Variants in ADGRG7 observed in about 807,000 individuals in gnomAD.
The protein encoded by ADGRG7 is adhesion G protein-coupled receptor G7.
ADGRG7 carries 82 observed loss-of-function variants against 88.6 expected under a neutral mutation model. The observed-to-expected ratio is 0.93, with a 90% CI of 0.77 to 1.11. The LOEUF is 1.11. Among genes scored for constraint, ADGRG7 ranks in the 50% most tolerant of loss-of-function variants. The pLI is 0.00. For synonymous variants in ADGRG7, 381 were observed against 345.2 expected, an observed-to-expected ratio of 1.10 and a Z score of -1.15; for missense variants, 945 against 953.4, an observed-to-expected ratio of 0.99 and a Z score of 0.12.
Position 100,687,163 on chromosome 3 carries a change from A to C in ADGRG7, c.2137-7581A>C, listed in dbSNP as rs528580521. Among the ~76,000 whole-genome samples, 12 of 152,318 alleles carry C rather than the reference A, an allele frequency of 7.9e-5. No individual in the cohort carries two copies. In the East Asian group the frequency reaches 1.3e-3, roughly 17 times the overall value. On this transcript the variant is annotated intron_variant, in intron 15 of 15. Coordinates refer to ENST00000273352, the MANE Select transcript of ADGRG7 (RefSeq NM_032787.3). ...AGCAATTGTGAATGGGAGTTCACTC[A>C]TGATTTGACTCTCTGTCTGTTAATG...
chr3:100,615,121 T>C (rs1250933535), intron 1 of ADGRG7, among the ~76,000 whole-genome samples: 3 of 152,198 alleles, frequency 2.0e-5, no homozygotes, highest in African/African-American at 7.2e-5. Context: ...ACTTGATCAG[T>C]TACAAGGAGG....
At chr3:100,674,289 A>T (rs2094962164) in intron 15 of ADGRG7, among the ~76,000 whole-genome samples, 1 of 152,180 alleles carries the variant, frequency 6.6e-6, no homozygotes, top group Admixed American at 6.5e-5. Context: ...TTGTGGTTCC[A>T]TATAAATTTT....
intron 3 of ADGRG7, among the ~76,000 whole-genome samples, chr3:100,632,968 A>C (rs79773218): frequency 0.015 from 2,260 of 152,272 alleles, 61 homozygotes; most frequent in African/African-American, 0.051. Flanking sequence ...GGAATTTTTC[A>C]TATTGTTTCT....
intron 15 of ADGRG7, among the ~76,000 whole-genome samples, chr3:100,691,460 C>T (rs1345456013): frequency 6.6e-6 from 1 of 152,138 alleles, no homozygotes; most frequent in East Asian, 1.9e-4. Flanking sequence ...ATCACTCAGG[C>T]TGGGAGCTGT....
At chr3:100,670,192 T>C (rs991455766) in intron 15 of ADGRG7, among the ~76,000 whole-genome samples, 2 of 152,000 alleles carry the variant, frequency 1.3e-5, no homozygotes, top group African/African-American at 2.4e-5. Flanking sequence ...TAACAATCAT[T>C]CTACTCTCTA....
intron 15 of ADGRG7, among the ~76,000 whole-genome samples, chr3:100,687,231 C>T (rs1456711598): frequency 6.6e-6 from 1 of 152,160 alleles, no homozygotes; most frequent in Non-Finnish European, 1.5e-5. Flanking sequence ...GATTTTGTAT[C>T]CTGAGACTTT....
rs866479986 is a variant in ADGRG7 at position 100,617,900 on chromosome 3, C to T, written c.115+7929C>T. ...TGTTGTTTCCTGACTTTTTCATGATCGCCATTGTAACTGGTGTGAGAATGG... is the reference window on the plus strand; with the variant it reads ...TGTTGTTTCCTGACTTTTTCATGATTGCCATTGTAACTGGTGTGAGAATGG... On this transcript the variant is annotated intron_variant, in intron 1 of 15. Coordinates refer to ENST00000273352, the MANE Select transcript of ADGRG7 (RefSeq NM_032787.3). Among the ~76,000 whole-genome samples the T allele has an allele frequency of 4.8e-3, 730 of 152,120 alleles. 7 individuals are homozygous for T. Among genetic ancestry groups the T allele is most frequent in the African/African-American group, 0.017 (696 of 41,458 alleles).
intron 13 of ADGRG7, among the ~76,000 whole-genome samples, chr3:100,658,928 T>G (rs2094941089): frequency 1.3e-5 from 2 of 152,142 alleles, no homozygotes; most frequent in South Asian, 4.2e-4. Flanking sequence ...ATGTACTCTC[T>G]AAATATTTAT....
At chr3:100,656,665 T>C (rs137958726) in intron 13 of ADGRG7, among the ~76,000 whole-genome samples, 1 of 152,300 alleles carries the variant, frequency 6.6e-6, no homozygotes, top group East Asian at 1.9e-4. Flanking sequence ...ATTTATCCTC[T>C]CTTCTCATTT....
In ADGRG7 at chr3:100,676,447, G is replaced by A. The variant is rs146627546; in HGVS notation, c.2136+7342G>A. Among the ~76,000 whole-genome samples, 633 of 152,004 alleles carry A rather than the reference G, an allele frequency of 4.2e-3. 6 individuals carry two copies. Among genetic ancestry groups the A allele is most frequent in the East Asian group, 0.018 (95 of 5,186 alleles). ...TGTTATTGATTTCTAGTTTTATTGCGTTGTGGTCAGAGAAGATACTTGATA... is the reference window on the plus strand; with the variant it reads ...TGTTATTGATTTCTAGTTTTATTGCATTGTGGTCAGAGAAGATACTTGATA... On this transcript the variant is annotated intron_variant, in intron 15 of 15. Transcript: ENST00000273352.
chr3:100,612,763 A>C (rs1707171728), intron 1 of ADGRG7, among the ~76,000 whole-genome samples: 1 of 152,142 alleles, frequency 6.6e-6, no homozygotes, highest in Non-Finnish European at 1.5e-5. Flanking sequence ...GCTTATCTCC[A>C]GATATTCTAA....
chr3:100,663,477 A>G (rs1576330715), intron 14 of ADGRG7, among the ~76,000 whole-genome samples: 1 of 152,138 alleles, frequency 6.6e-6, no homozygotes, highest in East Asian at 1.9e-4. Context: ...TGGAATAAAG[A>G]TTCTTTTGCC....
intron 14 of ADGRG7, among the ~76,000 whole-genome samples, 200 bp from the exon 15 acceptor site, chr3:100,668,749 T>C (rs1160586060): frequency 6.6e-6 from 1 of 152,210 alleles, no homozygotes; most frequent in East Asian, 1.9e-4. Flanking sequence ...TATCAATGTA[T>C]TCAAAATAAA....
At chr3:100,641,425 A>T (rs1520650) in intron 6 of ADGRG7, among the ~76,000 whole-genome samples, 12,010 of 151,968 alleles carry the variant, frequency 0.079, 684 homozygotes, top group East Asian at 0.25. Context: ...TACACTGAAG[A>T]CGTAACAATC....
chr3:100,684,807 A>G (rs751370801), intron 15 of ADGRG7, among the ~76,000 whole-genome samples: 4 of 152,148 alleles, frequency 2.6e-5, no homozygotes, highest in Admixed American at 2.6e-4. Flanking sequence ...AAATATTACT[A>G]CAACTTATAA....
In ADGRG7 at chr3:100,655,181, GGTAA is replaced by G; in HGVS notation, c.1726+3_1726+6del. 6.3e-7 allele frequency: 1 copy of G among 1,582,690 alleles called. No homozygotes were observed. The highest frequency in any genetic ancestry group is 8.6e-7 in the Non-Finnish European group (1 of 1,159,484). On this transcript the variant is annotated splice_donor_variant and splice_donor_region_variant and intron_variant, in intron 12 of 15. Coordinates refer to ENST00000273352, the MANE Select transcript of ADGRG7 (RefSeq NM_032787.3). LOFTEE classifies it high-confidence loss of function. Reference sequence around the variant, plus strand: ...TCTTTTCATCTCATTAATTGGATGGGGTAAGTGTTTGCATCTCCCCTTTCTCAGG... The same window carrying G: ...TCTTTTCATCTCATTAATTGGATGGGGTGTTTGCATCTCCCCTTTCTCAGG...
At chr3:100,610,049 A>G in intron 1 of ADGRG7, 78 bp downstream of exon 1, 1 of 1,149,216 alleles carries the variant, frequency 8.7e-7, no homozygotes, top group Admixed American at 1.8e-5. Context: ...GTGCACAAGT[A>G]CTGGGAGGTA....
intron 15 of ADGRG7, among the ~76,000 whole-genome samples, chr3:100,677,184 T>C (rs1459133113): frequency 6.6e-6 from 1 of 152,104 alleles, no homozygotes; most frequent in Non-Finnish European, 1.5e-5. Context: ...TTAGTGAAGA[T>C]GATTTTCTCT....
intron 1 of ADGRG7, among the ~76,000 whole-genome samples, chr3:100,617,616 G>A (rs186446812): frequency 1.8e-3 from 274 of 152,230 alleles, no homozygotes; most frequent in Non-Finnish European, 3.2e-3. Flanking sequence ...GTCTATCATT[G>A]TTGGACATTT....
Sources: allele counts gnomAD v4.1 joint callset (sites outside exome capture counted in the v4.1 genomes callset), GRCh38; gene constraint gnomAD v4.1.1; transcripts MANE v1.5; gene names NCBI Gene and HGNC (gene_info 2026-07-23, HGNC 2026-07-21).